The following MRC2 variants were observed in gnomAD, a reference collection of about 807,000 sequenced individuals.
The protein encoded by MRC2 is mannose receptor C-type 2.
In MRC2, 84 loss-of-function variants were observed where a neutral mutation model predicts 206.2. The observed-to-expected ratio is 0.41, with a 90% confidence interval of 0.34 to 0.49. The LOEUF (loss-of-function observed/expected upper bound fraction) is 0.49. MRC2 is among the 20% of genes least tolerant of loss of function. The probability of loss-of-function intolerance (pLI) is 0.31; values close to 1 mark genes in which losing one functional copy is unlikely to be tolerated. For synonymous variants in MRC2, 798 were observed against 800.0 expected, an observed-to-expected ratio of 1.00 and a Z score of 0.04; for missense variants, 1,676 against 2,001.5, an observed-to-expected ratio of 0.84 and a Z score of 3.10.
At position 62,680,314 on chromosome 17, in the gene MRC2, C is replaced by T; in HGVS notation, c.2437+6C>T. ...GATCTGCAAGATCCCCAGAGGTTGG[C>T]CGGAGTGGCGCTGGGGGACGCGGGA... On this transcript the variant is annotated splice_donor_region_variant and intron_variant, in intron 15 of 29. Transcript: ENST00000303375. This position sits in a 1 kb window ranked among gnomAD's most constrained non-coding sequence, Gnocchi z 4.8. 1.2e-6 allele frequency: 2 copies of T among 1,613,778 alleles called. No homozygotes were observed. The highest frequency in any genetic ancestry group is 8.5e-7 in the Non-Finnish European group (1 of 1,179,870).
chr17:62,627,826 C>G lies in MRC2; in HGVS notation c.24C>G (p.Pro8=), dbSNP rs1489525799. Residue 8 remains proline (P), a synonymous_variant, in exon 1 of 30, where the codon CCC becomes CCG. Coordinates refer to ENST00000303375, the MANE Select transcript of MRC2 (RefSeq NM_006039.5). MGPGRPA[P]APWPRHLLRC... is the part of the protein sequence containing the mutation. ...GGATGGGGCCCGGCCGGCCGGCCCC[C>G]GCGCCCTGGCCTCGTCACCTGCTGC... 1.9e-5 allele frequency: 28 copies of G among 1,455,254 alleles called. No individual in the cohort carries two copies. Among genetic ancestry groups the G allele is most frequent in the Admixed American group, 8.0e-5 (3 of 37,546 alleles). The allele number at this position is 1,455,254 out of a possible 1,614,324, so 90.1% of individuals were successfully genotyped here.
chr17:62,682,225 C>G lies in MRC2; in HGVS notation c.2804-10C>G. On this transcript the variant is annotated splice_polypyrimidine_tract_variant and intron_variant, in intron 19 of 29. Transcript: ENST00000303375. ...CTGGGGGTGACTGCCCTCCCCTCCC[C>G]TTTCCGCAGAGGACTGGGGGGACCA... is the stretch of plus-strand genomic sequence containing the variant. 6.4e-7 allele frequency: 1 copy of G among 1,569,846 alleles called. No homozygotes were observed. The highest frequency in any genetic ancestry group is 8.6e-7 in the Non-Finnish European group (1 of 1,156,744).
intron 1 of MRC2, among the ~76,000 whole-genome samples, chr17:62,634,880 G>C (rs1277764070): frequency 6.6e-6 from 1 of 150,632 alleles, no homozygotes; most frequent in Non-Finnish European, 1.5e-5. Context: ...ACCCAGGCTG[G>C]AGTGCAGTGG....
chr17:62,658,451 G>A (rs919312701), intron 1 of MRC2, among the ~76,000 whole-genome samples: 1 of 152,162 alleles, frequency 6.6e-6, no homozygotes, highest in South Asian at 2.1e-4. Flanking sequence ...GGCCTGAAAG[G>A]TACTTCTGTT....
chr17:62,633,145 C>T (rs2088266728), intron 1 of MRC2, among the ~76,000 whole-genome samples: 3 of 152,018 alleles, frequency 2.0e-5, no homozygotes, highest in African/African-American at 7.2e-5. Flanking sequence ...GAGATATGTC[C>T]CTGGTACACT....
intron 2 of MRC2, 71 bp downstream of exon 2, chr17:62,665,020 T>G: frequency 6.7e-7 from 1 of 1,494,400 alleles, no homozygotes; most frequent in South Asian, 1.3e-5. Context: ...GAGGGACAGA[T>G]TCCCAGTGAC....
chr17:62,638,392 G>A (rs1359763870), intron 1 of MRC2, among the ~76,000 whole-genome samples: 2 of 152,068 alleles, frequency 1.3e-5, no homozygotes, highest in Non-Finnish European at 2.9e-5. Context: ...AGAAAATAAT[G>A]TGAGACACAC....
At chr17:62,632,464 C>T (rs1025618579) in intron 1 of MRC2, among the ~76,000 whole-genome samples, 1 of 152,200 alleles carries the variant, frequency 6.6e-6, no homozygotes, top group African/African-American at 2.4e-5. Flanking sequence ...GCATTCTGCC[C>T]TCCGCAGCTC....
At chr17:62,686,149 G>A (rs574573872) in intron 20 of MRC2, among the ~76,000 whole-genome samples, 24 of 152,218 alleles carry the variant, frequency 1.6e-4, no homozygotes, top group African/African-American at 5.1e-4. Flanking sequence ...TCACGGTAGG[G>A]TTCGCACTCC....
chr17:62,630,434 A>C (rs2084207133), intron 1 of MRC2, among the ~76,000 whole-genome samples: 1 of 152,194 alleles, frequency 6.6e-6, no homozygotes, highest in South Asian at 2.1e-4. Context: ...GATTGGAGGC[A>C]GGAGAGACCG....
At chr17:62,641,551 C>G (rs2088404262) in intron 1 of MRC2, among the ~76,000 whole-genome samples, 1 of 152,072 alleles carries the variant, frequency 6.6e-6, no homozygotes, top group Non-Finnish European at 1.5e-5. Flanking sequence ...CCTGAAGGAT[C>G]TAAGTATGTA....
intron 13 of MRC2, 154 bp from the exon 14 acceptor site, chr17:62,679,646 C>A: frequency 1.6e-6 from 1 of 627,328 alleles, no homozygotes; most frequent in Non-Finnish European, 2.8e-6. Flanking sequence ...GTGACCTCAA[C>A]GCTGTATCGA....
chr17:62,659,545 C>CA (rs74881475), intron 1 of MRC2, among the ~76,000 whole-genome samples: 7,368 of 112,288 alleles, frequency 0.066, 307 homozygotes, highest in South Asian at 0.24. Flanking sequence ...GACTCTGTAT[C>CA]AAAAAAAAAA....
intron 13 of MRC2, 185 bp from the exon 14 acceptor site, chr17:62,679,615 T>C: frequency 1.9e-6 from 1 of 527,962 alleles, no homozygotes; most frequent in Non-Finnish European, 3.4e-6. Context: ...AGCTCTGTCT[T>C]GTGGGGAGAA....
At position 62,664,205 on chromosome 17, in the gene MRC2, C is replaced by T. The variant is rs532710547; in HGVS notation, c.119-343C>T. Among the ~76,000 whole-genome samples, 25 of 151,896 alleles carry T rather than the reference C, an allele frequency of 1.6e-4. No individual in the cohort carries two copies. Among genetic ancestry groups the T allele is most frequent in the African/African-American group, 5.8e-4 (24 of 41,308 alleles). On this transcript the variant is annotated intron_variant, in intron 1 of 29. Transcript: ENST00000303375. The surrounding 1 kb of genome is among the most constrained non-coding windows in gnomAD (Gnocchi z 4.7). ...CGATCTCCTGACCTCGTGATCCGCC[C>T]GCCTCGGCCTCCCAAAGTGCTGGGA...
Position 62,667,579 on chromosome 17 carries a change from C to CA in MRC2, c.1117+47dup. 1 of 1,557,874 alleles carries CA rather than the reference C, an allele frequency of 6.4e-7. No homozygotes were observed. Among genetic ancestry groups the CA allele is most frequent in the East Asian group, 2.4e-5 (1 of 41,032 alleles). On this transcript the variant is annotated intron_variant, in intron 6 of 29. Transcript: ENST00000303375. The surrounding 1 kb of genome is among the most constrained non-coding windows in gnomAD (Gnocchi z 4.1). ...CAGGGTGGGGAGGGGCTCCCAGGGC[C>CA]AGGGACACAGCCACAGAGCCGTGGC...
Position 62,652,133 on chromosome 17 carries a change from T to C in MRC2, c.119-12415T>C, listed in dbSNP as rs992369084. ...GTTACTCCCCACCCCACACACCTTG[T>C]AGACACTTTGTCAAAACTACATTTT... On this transcript the variant is annotated intron_variant, in intron 1 of 29. Transcript: ENST00000303375. This position sits in a 1 kb window ranked among gnomAD's most constrained non-coding sequence, Gnocchi z 4.6. 6.6e-6 allele frequency among the ~76,000 whole-genome samples: 1 copy of C among 152,260 alleles called. No homozygotes were observed. Among genetic ancestry groups the C allele is most frequent in the East Asian group, 1.9e-4 (1 of 5,206 alleles).
chr17:62,651,402 T>G (rs2088554771), intron 1 of MRC2, among the ~76,000 whole-genome samples: 1 of 151,296 alleles, frequency 6.6e-6, no homozygotes, highest in African/African-American at 2.4e-5. Context: ...TTTCACAAGC[T>G]CAGACTCATG....
intron 1 of MRC2, among the ~76,000 whole-genome samples, chr17:62,636,811 G>A (rs903159267): frequency 6.6e-6 from 1 of 151,932 alleles, no homozygotes; most frequent in African/African-American, 2.4e-5. Context: ...TCACTATGTT[G>A]CCCAGGCCTG....
Sources: gnomAD v4.1 joint callset for allele counts (sites outside exome capture counted in the v4.1 genomes callset) on GRCh38, gnomAD v4.1.1 for gene constraint, Gnocchi (gnomAD v3.1) non-coding constraint, MANE v1.5 for transcripts, NCBI Gene and HGNC (gene_info 2026-07-23, HGNC 2026-07-21) for gene names.